The following XRN1 variants were observed in gnomAD, a reference collection of about 807,000 sequenced individuals.
The protein encoded by XRN1 is strand-exchange protein 1 homolog.
XRN1 carries 67 observed loss-of-function variants against 222.3 expected under a neutral mutation model. The ratio of observed to expected loss-of-function variants is 0.30; its 90% confidence interval spans 0.25 to 0.37. The LOEUF (loss-of-function observed/expected upper bound fraction) is 0.37. Ranked by LOEUF, XRN1 falls within the 10% of genes least tolerant of loss-of-function variation. The pLI, the probability that XRN1 is intolerant of heterozygous loss-of-function variation, is 1.00. For synonymous variants in XRN1, 643 were observed against 652.4 expected (o/e 0.99, Z 0.22); for missense variants, 1,707 against 2,000.2 (o/e 0.85, Z 2.80).
At position 142,401,725 on chromosome 3, in the gene XRN1, A is replaced by G. The variant is rs534049194; in HGVS notation, c.2104-1178T>C. ...TGAGACTCTGTCAAACAAACAAACA[A>G]ACACATAACTTCTTGACCAAGGGCT... On this transcript the variant is annotated intron_variant, in intron 18 of 40. Transcript: ENST00000392981. Among the ~76,000 whole-genome samples the G allele has an allele frequency of 2.6e-5, 4 of 152,198 alleles. No homozygotes were observed. In the East Asian group the frequency reaches 7.7e-4, roughly 29 times the overall value.
At chr3:142,378,896 C>A (rs2067219783) in intron 23 of XRN1, among the ~76,000 whole-genome samples, 3 of 152,032 alleles carry the variant, frequency 2.0e-5, no homozygotes, top group Admixed American at 1.3e-4. Flanking sequence ...AGATCACATA[C>A]AGAAATTCAG....
chr3:142,410,448 A>C (rs1205405174), intron 15 of XRN1, among the ~76,000 whole-genome samples: 2 of 144,246 alleles, frequency 1.4e-5, no homozygotes, highest in Non-Finnish European at 3.0e-5. Flanking sequence ...TTTGGTCATG[A>C]GTATTATCCT....
intron 33 of XRN1, among the ~76,000 whole-genome samples, chr3:142,335,993 T>C (rs1019478056): frequency 6.6e-6 from 1 of 152,220 alleles, no homozygotes. Context: ...TTAGGACGAT[T>C]AAAATATGGC....
In XRN1 at chr3:142,418,492, G is replaced by T; in HGVS notation, c.1346+12C>A. On this transcript the variant is annotated intron_variant, in intron 12 of 40. Transcript: ENST00000392981. ...TTTCTATTTTAAAATAAAAGCATTG[G>T]CAAAAACGTACTCAGATACTACGTC... is the stretch of plus-strand genomic sequence containing the variant. The T allele has an allele frequency of 1.3e-6, 2 of 1,573,132 alleles. No homozygotes were observed. Among genetic ancestry groups the T allele is most frequent in the Non-Finnish European group, 1.7e-6 (2 of 1,155,990 alleles).
At chr3:142,409,410 C>A (rs924576016) in intron 15 of XRN1, among the ~76,000 whole-genome samples, 8 of 152,220 alleles carry the variant, frequency 5.3e-5, no homozygotes, top group African/African-American at 1.9e-4. Flanking sequence ...TGTTCTAGCA[C>A]CAACTTTTGA....
intron 30 of XRN1, among the ~76,000 whole-genome samples, chr3:142,359,659 C>T (rs942208965): frequency 6.6e-6 from 1 of 152,244 alleles, no homozygotes; most frequent in Non-Finnish European, 1.5e-5. Flanking sequence ...ATAATGTAAT[C>T]GGTTGCTTAA....
intron 39 of XRN1, 96 bp downstream of exon 39, chr3:142,318,496 C>T: frequency 1.8e-6 from 2 of 1,141,216 alleles, no homozygotes; most frequent in Non-Finnish European, 2.5e-6. Flanking sequence ...TTTCTTCTTA[C>T]ATTCCTAGAT....
intron 39 of XRN1, chr3:142,312,989 AAGG>A: frequency 1.0e-6 from 1 of 990,962 alleles, no homozygotes; most frequent in Non-Finnish European, 1.5e-6. Flanking sequence ...CTGGCCTGAA[AAGG>A]AGAATACTAC....
chr3:142,345,721 C>T (rs1189144866), intron 33 of XRN1, among the ~76,000 whole-genome samples: 2 of 151,974 alleles, frequency 1.3e-5, no homozygotes, highest in Admixed American at 1.3e-4. Context: ...ATTAAAAAAT[C>T]CAATTAAAAA....
chr3:142,398,515 C>T (rs754737292), intron 19 of XRN1, among the ~76,000 whole-genome samples: 14 of 151,870 alleles, frequency 9.2e-5, no homozygotes, highest in Non-Finnish European at 1.9e-4. Context: ...TACAGGTGCA[C>T]ACCACCATGC....
chr3:142,437,392 A>G (rs1008920314), intron 1 of XRN1, among the ~76,000 whole-genome samples: 7 of 152,194 alleles, frequency 4.6e-5, no homozygotes, highest in Non-Finnish European at 7.3e-5. Flanking sequence ...GTTTCCCAAC[A>G]GAACTGCTTG....
Position 142,375,877 on chromosome 3 carries a change from G to A in XRN1, c.2899C>T (p.Pro967Ser), listed in dbSNP as rs1349239253. The change falls in exon 25 of 41, where the codon CCT becomes TCT. Residue 967 changes from proline (P) to serine (S), a missense_variant. Physicochemically the swap from Pro to Ser is moderately conservative, Grantham distance 74 (BLOSUM62 -1). This residue lies in a region of XRN1 where 1,234 missense variants were observed against 1,518.2 expected (regional missense o/e 0.81). Coordinates refer to ENST00000392981, the MANE Select transcript of XRN1 (RefSeq NM_001282857.2). ...CTTCCAACTTTCTTAGTATATCCAG[G>A]TACCTCCTCATTTTTCTTGTTGAAT... Reference protein sequence around the residue: ...LKFNKKNEEVPGYTKKVGSEW... With the variant: ...LKFNKKNEEVSGYTKKVGSEW... The A allele has an allele frequency of 6.2e-6, 10 of 1,613,468 alleles. No homozygotes were observed. The highest frequency in any genetic ancestry group is 2.2e-5 in the East Asian group (1 of 44,830).
chr3:142,366,010 A>G (rs539220419), intron 27 of XRN1, among the ~76,000 whole-genome samples: 1 of 152,276 alleles, frequency 6.6e-6, no homozygotes, highest in East Asian at 1.9e-4. Flanking sequence ...CGATATTAGA[A>G]TCTTTTCATT....
In XRN1 at chr3:142,399,352, CTT is replaced by C; in HGVS notation, c.2207+1090_2207+1091del. Among the ~76,000 whole-genome samples, 2 of 151,812 alleles carry C rather than the reference CTT, an allele frequency of 1.3e-5. 1 individual carries two copies. Among genetic ancestry groups the C allele is most frequent in the South Asian group, 4.2e-4 (2 of 4,794 alleles). On this transcript the variant is annotated intron_variant, in intron 19 of 40. Transcript: ENST00000392981. ...AAAACAGACATGGAGGAAGCACAGT[CTT>C]TTCAACAAATGATGCTGAAGCAACT...
At chr3:142,314,348 A>G (rs1211880771) in intron 39 of XRN1, among the ~76,000 whole-genome samples, 1 of 152,218 alleles carries the variant, frequency 6.6e-6, no homozygotes, top group African/African-American at 2.4e-5. Flanking sequence ...AAAGGTTAAA[A>G]TATCAATAAT....
chr3:142,371,184 C>A, intron 26 of XRN1, 55 bp downstream of exon 26: 1 of 1,351,092 alleles, frequency 7.4e-7, no homozygotes, highest in South Asian at 1.3e-5. Flanking sequence ...CTGCAGTTGT[C>A]ATTGAAAACA....
At chr3:142,420,614 C>A (rs573232575) in intron 10 of XRN1, among the ~76,000 whole-genome samples, 7 of 152,006 alleles carry the variant, frequency 4.6e-5, no homozygotes, top group Non-Finnish European at 7.4e-5. Flanking sequence ...TCAGGTAATC[C>A]ACCCATTTTG....
intron 8 of XRN1, 125 bp downstream of exon 8, chr3:142,422,457 A>T (rs2069075632): frequency 9.4e-7 from 1 of 1,062,178 alleles, no homozygotes; most frequent in Non-Finnish European, 1.4e-6. Context: ...ACCTTAGACC[A>T]AAATAAATCC....
chr3:142,326,215 C>G (rs2065512214), intron 37 of XRN1, among the ~76,000 whole-genome samples: 1 of 151,312 alleles, frequency 6.6e-6, no homozygotes, highest in African/African-American at 2.4e-5. Flanking sequence ...AGGAGTTGCA[C>G]TGTATCTGCA....
Sources: allele counts gnomAD v4.1 joint callset (sites outside exome capture counted in the v4.1 genomes callset), GRCh38; gene constraint gnomAD v4.1.1; regional missense constraint gnomAD v4.1.1; transcripts MANE v1.5; gene names NCBI Gene and HGNC (gene_info 2026-07-23, HGNC 2026-07-21).